The following PLSCR2 variants were observed in gnomAD, a reference collection of about 807,000 sequenced individuals.
The protein encoded by PLSCR2 is phospholipid scramblase 2.
A neutral mutation model predicts 25.3 loss-of-function variants in PLSCR2; 18 were observed. That is an observed-to-expected ratio of 0.71 (90% CI 0.49 to 1.06). The LOEUF is 1.06. Among genes scored for constraint, PLSCR2 ranks in the 50% least tolerant of loss-of-function variants. The pLI is 0.00. For synonymous variants in PLSCR2, 88 were observed against 87.3 expected (o/e 1.01, Z -0.04); for missense variants, 243 against 269.5 (o/e 0.90, Z 0.69).
intron 6 of PLSCR2, among the ~76,000 whole-genome samples, chr3:146,444,275 C>A (rs2040416916): frequency 6.6e-6 from 1 of 151,796 alleles, no homozygotes; most frequent in East Asian, 1.9e-4. Flanking sequence ...TCTATTGGGT[C>A]CATTTGGTTT....
chr3:146,435,203 G>C (rs1236833762), intron 8 of PLSCR2, among the ~76,000 whole-genome samples: 6 of 152,042 alleles, frequency 3.9e-5, no homozygotes, highest in Non-Finnish European at 8.8e-5. Flanking sequence ...CCAAGTCTTT[G>C]CTATTATGAA....
chr3:146,410,463 T>C (rs1351112801), intron 2 of PLSCR2, among the ~76,000 whole-genome samples: 1 of 152,200 alleles, frequency 6.6e-6, no homozygotes, highest in African/African-American at 2.4e-5. Flanking sequence ...ACAACCTTCA[T>C]GGTGCCAGAA....
rs565412789 is a variant in PLSCR2 at position 146,489,875 on chromosome 3, T to C, written c.-293+6020A>G. On this transcript the variant is annotated intron_variant, in intron 1 of 8. Transcript: ENST00000336685. ...ATACATTTATGATTTCCAGGGAGTA[T>C]AATATGAACATGCTGGGAACTATTT... Among the ~76,000 whole-genome samples, 7 of 152,172 alleles carry C rather than the reference T, an allele frequency of 4.6e-5. No homozygotes were observed. In the South Asian group the frequency reaches 1.0e-3, roughly 23 times the overall value.
At chr3:146,416,384 TA>T (rs1195754614) in intron 2 of PLSCR2, 2 of 152,116 alleles carry the variant, frequency 1.3e-5, no homozygotes, top group Admixed American at 1.3e-4. Flanking sequence ...ATAAAAATCT[TA>T]ATGTTAAAGT....
chr3:146,460,757 T>A (rs1446656872), upstream of PLSCR2, among the ~76,000 whole-genome samples: 2 of 152,206 alleles, frequency 1.3e-5, no homozygotes, highest in Non-Finnish European at 2.9e-5. Flanking sequence ...TACTACAGTG[T>A]TGAGAAACCC....
chr3:146,410,514 C>A (rs940226388), intron 2 of PLSCR2, among the ~76,000 whole-genome samples: 3 of 152,086 alleles, frequency 2.0e-5, no homozygotes, highest in African/African-American at 7.3e-5. Context: ...GTTCTTGTAA[C>A]AACACCTGAC....
At chr3:146,465,897 T>C (rs896760620) in intron 1 of PLSCR2, among the ~76,000 whole-genome samples, 2 of 152,238 alleles carry the variant, frequency 1.3e-5, no homozygotes, top group Non-Finnish European at 2.9e-5. Flanking sequence ...ATTTCATCCC[T>C]TGAATTGTGG....
At chr3:146,493,446 C>T (rs960141073) in intron 1 of PLSCR2, among the ~76,000 whole-genome samples, 9 of 152,046 alleles carry the variant, frequency 5.9e-5, no homozygotes, top group African/African-American at 2.2e-4. Flanking sequence ...ATTGAGTAGG[C>T]TTTAATCCTG....
chr3:146,401,999 C>T (rs1286759480), intron 2 of PLSCR2, among the ~76,000 whole-genome samples: 1 of 151,704 alleles, frequency 6.6e-6, no homozygotes, highest in Admixed American at 6.6e-5. Flanking sequence ...AGATAATAAT[C>T]AAATTTACCC....
At chr3:146,445,453 T>C (rs565944926) in intron 6 of PLSCR2, among the ~76,000 whole-genome samples, 73 of 152,314 alleles carry the variant, frequency 4.8e-4, no homozygotes, top group South Asian at 4.1e-3. Context: ...TCAACGTTTT[T>C]TTTCCTTCAG....
At chr3:146,399,916 A>G (rs1212737009) in intron 2 of PLSCR2, among the ~76,000 whole-genome samples, 1 of 151,736 alleles carries the variant, frequency 6.6e-6, no homozygotes, top group African/African-American at 2.4e-5. Flanking sequence ...TAATGGTGGT[A>G]TGGTTTGTAA....
At chr3:146,470,308 G>C (rs1019598781) in intron 1 of PLSCR2, among the ~76,000 whole-genome samples, 2 of 152,030 alleles carry the variant, frequency 1.3e-5, no homozygotes, top group African/African-American at 2.4e-5. Context: ...ATTTTGGGAG[G>C]CCGAGGCAGG....
chr3:146,463,466 T>A (rs1020770301), upstream of PLSCR2, among the ~76,000 whole-genome samples: 4 of 152,212 alleles, frequency 2.6e-5, no homozygotes, highest in African/African-American at 9.6e-5. Context: ...ATACTTGGTA[T>A]TTCTACAGAA....
chr3:146,392,356 T>C (rs547182883), intron 3 of PLSCR2, among the ~76,000 whole-genome samples: 1 of 152,210 alleles, frequency 6.6e-6, no homozygotes, highest in Non-Finnish European at 1.5e-5. Flanking sequence ...GCATACATCA[T>C]TAGAAATAAA....
intron 2 of PLSCR2, among the ~76,000 whole-genome samples, chr3:146,426,520 GA>G (rs2039361368): frequency 6.6e-6 from 1 of 152,036 alleles, no homozygotes; most frequent in African/African-American, 2.4e-5. Context: ...AAATTACACT[GA>G]ATGTGTGTGG....
intron 1 of PLSCR2, among the ~76,000 whole-genome samples, chr3:146,469,804 G>T (rs1377433750): frequency 7.3e-6 from 1 of 136,700 alleles, no homozygotes. Context: ...TGTGCGACGC[G>T]CAGCTGCCGC....
chr3:146,425,446 T>G (rs1265897356), intron 2 of PLSCR2, among the ~76,000 whole-genome samples: 9 of 152,156 alleles, frequency 5.9e-5, no homozygotes, highest in African/African-American at 1.9e-4. Flanking sequence ...TATGTAGAGT[T>G]TGGTACTATC....
At chr3:146,417,575 G>T (rs1388694055) in intron 2 of PLSCR2, among the ~76,000 whole-genome samples, 2 of 152,100 alleles carry the variant, frequency 1.3e-5, no homozygotes, top group Middle Eastern at 3.2e-3. Context: ...TATTATTTTA[G>T]ATGGGTCAGT....
chr3:146,481,972 G>T (rs1467961298), intron 1 of PLSCR2, among the ~76,000 whole-genome samples: 4 of 152,150 alleles, frequency 2.6e-5, no homozygotes, highest in African/African-American at 4.8e-5. Flanking sequence ...AACAAAAAAT[G>T]AAGAAAGGAT....
Sources: allele counts gnomAD v4.1 joint callset (sites outside exome capture counted in the v4.1 genomes callset), GRCh38; gene constraint gnomAD v4.1.1; transcripts MANE v1.5; gene names NCBI Gene and HGNC (gene_info 2026-07-23, HGNC 2026-07-21).